The following TMEM232 variants were observed in gnomAD, a reference collection of about 807,000 sequenced individuals.
TMEM232 encodes transmembrane protein 232.
TMEM232 carries 80 observed loss-of-function variants against 78.8 expected under a neutral mutation model. That is an observed-to-expected ratio of 1.01 (90% CI 0.85 to 1.22). The LOEUF is 1.22. Among genes scored for constraint, TMEM232 ranks in the 50% most tolerant of loss-of-function variants. The pLI, the probability that TMEM232 is intolerant of heterozygous loss-of-function variation, is 0.00. For synonymous variants in TMEM232, 297 were observed against 254.3 expected, an observed-to-expected ratio of 1.17 and a Z score of -1.60; for missense variants, 881 against 742.2, an observed-to-expected ratio of 1.19 and a Z score of -2.17.
intron 2 of TMEM232, among the ~76,000 whole-genome samples, chr5:110,408,158 T>C (rs1755862733): frequency 1.3e-5 from 2 of 152,084 alleles, no homozygotes; most frequent in Admixed American, 1.3e-4. Context: ...AATAGACACC[T>C]ATATTAAAAA....
chr5:110,728,507 T>C (rs140129854), upstream of TMEM232, among the ~76,000 whole-genome samples: 4 of 151,824 alleles, frequency 2.6e-5, no homozygotes, highest in Admixed American at 1.3e-4. Flanking sequence ...AATTTTAAGA[T>C]AATATTGGTA....
At chr5:110,611,089 G>A (rs1580355220) in intron 8 of TMEM232, among the ~76,000 whole-genome samples, 1 of 152,098 alleles carries the variant, frequency 6.6e-6, no homozygotes, top group Non-Finnish European at 1.5e-5. Flanking sequence ...ATTAAATGCA[G>A]ATATATAAAT....
intron 11 of TMEM232, among the ~76,000 whole-genome samples, chr5:110,562,693 G>A (rs1339790525): frequency 2.6e-5 from 4 of 151,986 alleles, no homozygotes; most frequent in Non-Finnish European, 1.5e-5. Flanking sequence ...ACACTTCTTT[G>A]CATCTTGCAC....
At chr5:110,594,921 G>C (rs1779970506) in intron 10 of TMEM232, among the ~76,000 whole-genome samples, 1 of 152,212 alleles carries the variant, frequency 6.6e-6, no homozygotes, top group Non-Finnish European at 1.5e-5. Context: ...CTTAAGCTCT[G>C]CTAAAGGGCA....
At chr5:110,662,752 T>A (rs1465558827) in intron 2 of TMEM232, among the ~76,000 whole-genome samples, 1 of 152,136 alleles carries the variant, frequency 6.6e-6, no homozygotes, top group Non-Finnish European at 1.5e-5. Flanking sequence ...TTTTTCCATA[T>A]GTCGTATTGA....
intron 1 of TMEM232, among the ~76,000 whole-genome samples, chr5:110,678,281 T>C (rs1792290438): frequency 1.3e-5 from 2 of 152,208 alleles, no homozygotes; most frequent in South Asian, 4.1e-4. Flanking sequence ...CCTAGGATGG[T>C]CTCGAACTCC....
At chr5:110,590,719 T>A (rs931223757) in intron 10 of TMEM232, among the ~76,000 whole-genome samples, 1 of 152,108 alleles carries the variant, frequency 6.6e-6, no homozygotes, top group East Asian at 1.9e-4. Context: ...ATAAAGAACT[T>A]CCCTGAGACT....
chr5:110,574,098 C>T (rs1004581739), intron 10 of TMEM232, among the ~76,000 whole-genome samples: 3 of 151,960 alleles, frequency 2.0e-5, no homozygotes, highest in African/African-American at 7.2e-5. Flanking sequence ...TCATTCCTCT[C>T]TCAATAGAAT....
intron 12 of TMEM232, among the ~76,000 whole-genome samples, chr5:110,520,435 C>T (rs754324066): frequency 1.3e-5 from 2 of 151,772 alleles, no homozygotes; most frequent in Non-Finnish European, 2.9e-5. Context: ...GATAGCAAAA[C>T]GTGACAAAGA....
intron 1 of TMEM232, among the ~76,000 whole-genome samples, chr5:110,717,309 G>T (rs1797112472): frequency 6.6e-6 from 1 of 151,992 alleles, no homozygotes; most frequent in Non-Finnish European, 1.5e-5. Context: ...GTTAACAGAG[G>T]TCCAAGAATC....
Position 110,420,745 on chromosome 5 carries a change from C to G in TMEM232, c.1809G>C (p.Glu603Asp). The G allele has an allele frequency of 6.6e-7, 1 of 1,521,244 alleles. No homozygotes were observed. Among genetic ancestry groups the G allele is most frequent in the Admixed American group, 2.1e-5 (1 of 47,748 alleles). 94.2% of individuals were successfully genotyped at this position (1,521,244 alleles called of 1,614,324 possible). A position where few individuals can be genotyped will look rare whatever the true frequency, so the allele number is the denominator to read the frequency against. Residue 603 changes from glutamate (E) to aspartate (D), a missense_variant, in exon 14 of 14, where the codon GAG becomes GAC. Glu to Asp is a conservative substitution (Grantham distance 45). Coordinates refer to ENST00000455884, the MANE Select transcript of TMEM232 (RefSeq NM_001039763.4). ...CATCTTCTTTTTCTCGGATCTTTAG[C>G]TCTTCCTGCCACTGTTACAGAGAGA... Reference protein sequence around the residue: ...AKIIDHHWQEELKIREKEDAI... With the variant: ...AKIIDHHWQEDLKIREKEDAI...
chr5:110,702,764 T>C (rs1472440809), intron 1 of TMEM232, among the ~76,000 whole-genome samples: 1 of 152,026 alleles, frequency 6.6e-6, no homozygotes, highest in Non-Finnish European at 1.5e-5. Context: ...TGCCATTGTG[T>C]CCCTTGTGGA....
At chr5:110,674,393 A>G (rs1465357872) in intron 1 of TMEM232, among the ~76,000 whole-genome samples, 1 of 152,242 alleles carries the variant, frequency 6.6e-6, no homozygotes, top group Non-Finnish European at 1.5e-5. Context: ...GTAATGAAGC[A>G]AATAATGACG....
At chr5:110,591,575 C>T (rs936313913) in intron 10 of TMEM232, among the ~76,000 whole-genome samples, 2 of 152,126 alleles carry the variant, frequency 1.3e-5, no homozygotes. Flanking sequence ...TTACCATGCA[C>T]TAGGTAATAT....
At chr5:110,504,048 A>G (rs1031707511) in intron 12 of TMEM232, among the ~76,000 whole-genome samples, 1 of 152,216 alleles carries the variant, frequency 6.6e-6, no homozygotes, top group Non-Finnish European at 1.5e-5. Flanking sequence ...TGAATCAATC[A>G]GCTAATTTGT....
chr5:110,466,789 G>GTATTT (rs1762122810), intron 12 of TMEM232, among the ~76,000 whole-genome samples: 1 of 151,360 alleles, frequency 6.6e-6, no homozygotes, highest in African/African-American at 2.4e-5. Context: ...ATTTTTTTTT[G>GTATTT]TATTTTTAGT....
intron 12 of TMEM232, among the ~76,000 whole-genome samples, chr5:110,509,946 T>C (rs1286642147): frequency 6.6e-6 from 1 of 152,212 alleles, no homozygotes; most frequent in Non-Finnish European, 1.5e-5. Flanking sequence ...AAATTTTTCT[T>C]AAGTTTTTAT....
At chr5:110,550,771 G>T (rs2149612156) in intron 11 of TMEM232, among the ~76,000 whole-genome samples, 1 of 151,250 alleles carries the variant, frequency 6.6e-6, no homozygotes, top group African/African-American at 2.4e-5. Context: ...CCGCCAAATA[G>T]CTCTCTAGAT....
chr5:110,400,551 G>A lies in TMEM232; in HGVS notation n.309-2697C>T, dbSNP rs575107556. 3.0e-4 allele frequency among the ~76,000 whole-genome samples: 45 copies of A among 152,090 alleles called. No homozygotes were observed. The South Asian group carries it at 8.7e-3, about 30-fold the overall frequency. ...ATAAGACATACATCAGATGTCATATGTGTATTACACTGCTTCAGTGTCTCA... is the reference window on the plus strand; with the variant it reads ...ATAAGACATACATCAGATGTCATATATGTATTACACTGCTTCAGTGTCTCA... On this transcript the variant is annotated intron_variant and non_coding_transcript_variant, in intron 2 of 8. Coordinates refer to the TMEM232 transcript ENST00000507188.
Sources: allele counts gnomAD v4.1 joint callset (sites outside exome capture counted in the v4.1 genomes callset), GRCh38; gene constraint gnomAD v4.1.1; transcripts MANE v1.5; gene names NCBI Gene and HGNC (gene_info 2026-07-23, HGNC 2026-07-21).